Variants in TSPOAP1 observed in about 807,000 individuals in gnomAD.
TSPOAP1 encodes the protein peripheral-type benzodiazepine receptor-associated protein 1.
TSPOAP1 carries 87 observed loss-of-function variants against 197.0 expected under a neutral mutation model. The observed-to-expected ratio is 0.44, with a 90% CI of 0.37 to 0.53. The LOEUF (loss-of-function observed/expected upper bound fraction) is 0.53. Ranked by LOEUF, TSPOAP1 falls within the 20% of genes least tolerant of loss-of-function variation. The probability of loss-of-function intolerance (pLI) is 0.00; values close to 1 mark genes in which losing one functional copy is unlikely to be tolerated. For synonymous variants in TSPOAP1, 913 were observed against 998.9 expected, an observed-to-expected ratio of 0.91 and a Z score of 1.62; for missense variants, 2,174 against 2,411.3, an observed-to-expected ratio of 0.90 and a Z score of 2.06.
intron 30 of TSPOAP1, 21 bp downstream of exon 30, chr17:58,305,040 G>A: frequency 1.3e-6 from 2 of 1,595,966 alleles, no homozygotes; most frequent in Non-Finnish European, 1.7e-6. Context: ...TGCCAAGCTG[G>A]GAGCCCAGCT....
intron 31 of TSPOAP1, chr17:58,302,697 C>T (rs1284559263): frequency 3.0e-5 from 6 of 201,986 alleles, no homozygotes; most frequent in East Asian, 1.8e-4. Context: ...GATCGCTCAC[C>T]TGTGACCCTG....
At position 58,328,150 on chromosome 17, in the gene TSPOAP1, T is replaced by C; in HGVS notation, c.-230A>G. On this transcript the variant is annotated 5_prime_UTR_variant, in exon 1 of 32. Coordinates refer to ENST00000343736, the MANE Select transcript of TSPOAP1 (RefSeq NM_004758.4). The surrounding 1 kb of genome is among the most constrained non-coding windows in gnomAD (Gnocchi z 4.3). Reference sequence around the variant, plus strand: ...TGTGAGCTATGTTTGCTGGTAGCTGTGTGTGTGCGCGAGTATGTGGAGGAG... The same window carrying C: ...TGTGAGCTATGTTTGCTGGTAGCTGCGTGTGTGCGCGAGTATGTGGAGGAG... 1 of 574,202 alleles carries C rather than the reference T, an allele frequency of 1.7e-6. No individual in the cohort carries two copies. Among genetic ancestry groups the C allele is most frequent in the Non-Finnish European group, 3.1e-6 (1 of 321,144 alleles). The allele number at this position is 574,202 out of a possible 1,614,324, so 35.6% of individuals were successfully genotyped here.
Position 58,309,224 on chromosome 17 carries a change from C to A in TSPOAP1, c.4048G>T (p.Ala1350Ser). 1 of 1,613,944 alleles carries A rather than the reference C, an allele frequency of 6.2e-7. No homozygotes were observed. Among genetic ancestry groups the A allele is most frequent in the Non-Finnish European group, 8.5e-7 (1 of 1,179,974 alleles). The change falls in exon 22 of 32, where the codon GCA becomes TCA. Residue 1350 changes from alanine to serine, a missense_variant. Ala to Ser is a moderately conservative substitution (Grantham distance 99). Around this residue, in one of 5 missense-constraint regions of TSPOAP1, gnomAD observed 1,933 missense variants for 2,139.0 expected, o/e 0.90. Transcript: ENST00000343736. This position sits in a 1 kb window ranked among gnomAD's most constrained non-coding sequence, Gnocchi z 5.0. ...EEDEEEEKSG[A>S]GCSSRDPGPP... ...CCAGGGTCTCGGGAAGAACAGCCTG[C>A]CCCTGACTTCTCCTCCTCCTCGTCC...
At position 58,322,205 on chromosome 17, in the gene TSPOAP1, C is replaced by T. The variant is rs548830953; in HGVS notation, c.1422+103G>A. On this transcript the variant is annotated intron_variant, in intron 10 of 31. Coordinates refer to ENST00000343736, the MANE Select transcript of TSPOAP1 (RefSeq NM_004758.4). This position sits in a 1 kb window ranked among gnomAD's most constrained non-coding sequence, Gnocchi z 5.0. ...TGGTCTTTGTTCCCCACAGTCTCCC[C>T]GACGCCTAGCACAGTGCCGGGCACA... 84 of 1,190,262 alleles carry T rather than the reference C, an allele frequency of 7.1e-5. No individual in the cohort carries two copies. The highest frequency in any genetic ancestry group is 2.7e-4 in the Middle Eastern group (1 of 3,684). The allele number at this position is 1,190,262 out of a possible 1,614,324, so 73.7% of individuals were successfully genotyped here. A position where few individuals can be genotyped will look rare whatever the true frequency, so the allele number is the denominator to read the frequency against.
chr17:58,322,784 G>T lies in TSPOAP1; in HGVS notation c.1195-8C>A, dbSNP rs781140625. 1.2e-6 allele frequency: 2 copies of T among 1,612,376 alleles called. No individual in the cohort carries two copies. Among genetic ancestry groups the T allele is most frequent in the Non-Finnish European group, 1.7e-6 (2 of 1,179,846 alleles). On this transcript the variant is annotated splice_polypyrimidine_tract_variant and splice_region_variant and intron_variant, in intron 8 of 31. Transcript: ENST00000343736. The surrounding 1 kb of genome is among the most constrained non-coding windows in gnomAD (Gnocchi z 5.0). ...CGCATTCTCCCACTCCACCTGGCGA[G>T]GGGGCAGTGACAGGGAGTTGGGTGG...
In TSPOAP1 at chr17:58,327,863, C is replaced by CCCATGGCT; in HGVS notation, c.50_57dup (p.Ala20SerfsTer39). 1.2e-6 allele frequency: 2 copies of CCCATGGCT among 1,612,388 alleles called. No homozygotes were observed. Among genetic ancestry groups the CCCATGGCT allele is most frequent in the Non-Finnish European group, 1.7e-6 (2 of 1,178,892 alleles). On this transcript the variant is annotated frameshift_variant, in exon 1 of 32. Coordinates refer to ENST00000343736, the MANE Select transcript of TSPOAP1 (RefSeq NM_004758.4). LOFTEE classifies it high-confidence loss of function. ...GTCCAGCTATGCCAGGTGGGCAGTG[C>CCCATGGCT]CCATGGCTCCATGGCTCCAGGGTCC... is the stretch of plus-strand genomic sequence containing the variant.
intron 11 of TSPOAP1, 86 bp from the exon 12 acceptor site, chr17:58,320,215 C>T: frequency 4.0e-6 from 6 of 1,503,358 alleles, no homozygotes; most frequent in Non-Finnish European, 5.5e-6. Flanking sequence ...AGAAGGGGGC[C>T]TAAGTGGATA....
At chr17:58,302,789 G>A in intron 31 of TSPOAP1, 1 of 159,226 alleles carries the variant, frequency 6.3e-6, no homozygotes, top group Admixed American at 6.1e-5. Context: ...CAGGATGGGT[G>A]CCCCCAACTT....
chr17:58,307,181 C>T (rs1970924904), intron 24 of TSPOAP1, among the ~76,000 whole-genome samples: 1 of 152,236 alleles, frequency 6.6e-6, no homozygotes, highest in African/African-American at 2.4e-5. Flanking sequence ...GTCTACATGG[C>T]CATGCCCTTT....
chr17:58,325,813 G>C lies in TSPOAP1; in HGVS notation c.571-100C>G, dbSNP rs541573288. On this transcript the variant is annotated intron_variant, in intron 3 of 31. Transcript: ENST00000343736. Reference sequence around the variant, plus strand: ...AGGAGGAGTTAGCATGAAAACCTAGGGGGGTAGCCACCTGCTTCCACCTTG... The same window carrying C: ...AGGAGGAGTTAGCATGAAAACCTAGCGGGGTAGCCACCTGCTTCCACCTTG... The C allele has an allele frequency of 1.7e-5, 23 of 1,337,632 alleles. No individual in the cohort carries two copies. The South Asian group carries it at 2.3e-4, about 13-fold the overall frequency. The allele number at this position is 1,337,632 out of a possible 1,614,324, so 82.9% of individuals were successfully genotyped here. A position where few individuals can be genotyped will look rare whatever the true frequency, so the allele number is the denominator to read the frequency against.
chr17:58,305,467 A>C lies in TSPOAP1; in HGVS notation c.5362-9T>G, dbSNP rs762303401. 1.9e-6 allele frequency: 3 copies of C among 1,613,954 alleles called. No homozygotes were observed. Among genetic ancestry groups the C allele is most frequent in the Non-Finnish European group, 2.5e-6 (3 of 1,179,920 alleles). On this transcript the variant is annotated splice_polypyrimidine_tract_variant and intron_variant, in intron 28 of 31. Coordinates refer to ENST00000343736, the MANE Select transcript of TSPOAP1 (RefSeq NM_004758.4). ...CGGAAGGGCAGCTCTGCCTGTGGAA[A>C]ACAAGAGGAGGGCATCAGGCCCAGG... is the stretch of plus-strand genomic sequence containing the variant.
Position 58,302,377 on chromosome 17 carries a change from G to A in TSPOAP1, c.*103C>T, listed in dbSNP as rs114812628. Reference sequence around the variant, plus strand: ...GGGCTCCCCACGTTCAATCCTGGGGGCGCTGCCAGAGCTGGGGGTACAAGG... The same window carrying A: ...GGGCTCCCCACGTTCAATCCTGGGGACGCTGCCAGAGCTGGGGGTACAAGG... On this transcript the variant is annotated 3_prime_UTR_variant, in exon 32 of 32. Coordinates refer to ENST00000343736, the MANE Select transcript of TSPOAP1 (RefSeq NM_004758.4). 5.8e-3 allele frequency: 7,450 copies of A among 1,288,580 alleles called. 363 individuals are homozygous for A. The African/African-American group carries it at 0.1, about 18-fold the overall frequency. 79.8% of individuals were successfully genotyped at this position (1,288,580 alleles called of 1,614,324 possible).
At position 58,327,997 on chromosome 17, in the gene TSPOAP1, C is replaced by T; in HGVS notation, c.-77G>A. 1 of 1,287,832 alleles carries T rather than the reference C, an allele frequency of 7.8e-7. No individual in the cohort carries two copies. Among genetic ancestry groups the T allele is most frequent in the East Asian group, 2.5e-5 (1 of 39,586 alleles). The allele number at this position is 1,287,832 out of a possible 1,614,324, so 79.8% of individuals were successfully genotyped here. A position where few individuals can be genotyped will look rare whatever the true frequency, so the allele number is the denominator to read the frequency against. ...GTGGGGGGACTGGCGAGGGTCATGC[C>T]AGGCCAGCCCCTCTCCCCTCTGAGC... is the stretch of plus-strand genomic sequence containing the variant. On this transcript the variant is annotated 5_prime_UTR_variant, in exon 1 of 32. Coordinates refer to ENST00000343736, the MANE Select transcript of TSPOAP1 (RefSeq NM_004758.4).
chr17:58,319,319 G>A (rs374029973), intron 12 of TSPOAP1, 25 bp from the exon 13 acceptor site: 82 of 1,548,632 alleles, frequency 5.3e-5, no homozygotes, highest in Middle Eastern at 4.0e-4. Context: ...ACCATGAGCC[G>A]CCAGGCCCCT....
intron 11 of TSPOAP1, 104 bp from the exon 12 acceptor site, chr17:58,320,233 G>C: frequency 1.5e-6 from 2 of 1,377,178 alleles, no homozygotes; most frequent in Non-Finnish European, 2.1e-6. Flanking sequence ...ATATCATCCA[G>C]TCAGCTCCCT....
At chr17:58,320,471 G>T in intron 11 of TSPOAP1, 60 bp downstream of exon 11, 1 of 1,456,524 alleles carries the variant, frequency 6.9e-7, no homozygotes, top group Non-Finnish European at 9.1e-7. Flanking sequence ...AGCTCTATCT[G>T]GAGGACCCCC....
intron 3 of TSPOAP1, 44 bp from the exon 4 acceptor site, chr17:58,325,757 GGCACTTCTC>G (rs1336422670): frequency 6.5e-7 from 1 of 1,548,256 alleles, no homozygotes; most frequent in Admixed American, 1.8e-5. Context: ...TGAGGGCTGG[GGCACTTCTC>G]CCACTCCTCA....
Position 58,324,563 on chromosome 17 carries a change from GC to G in TSPOAP1, c.942+247del, listed in dbSNP as rs1971512110. Among the ~76,000 whole-genome samples the G allele has an allele frequency of 6.6e-6, 1 of 152,038 alleles. No individual in the cohort carries two copies. Among genetic ancestry groups the G allele is most frequent in the African/African-American group, 2.4e-5 (1 of 41,442 alleles). ...CAGCGCGGCAGGGGCGGCCGGCCAG[GC>G]CCCGCTGGGCGCAGGCCTATGGAGG... On this transcript the variant is annotated intron_variant, in intron 5 of 31. Coordinates refer to ENST00000343736, the MANE Select transcript of TSPOAP1 (RefSeq NM_004758.4). The surrounding 1 kb of genome is among the most constrained non-coding windows in gnomAD (Gnocchi z 5.8).
chr17:58,312,700 C>T lies in TSPOAP1; in HGVS notation c.2121G>A (p.Arg707=). 1.9e-6 allele frequency: 3 copies of T among 1,613,358 alleles called. No homozygotes were observed. The highest frequency in any genetic ancestry group is 4.5e-5 in the East Asian group (2 of 44,886). The change falls in exon 17 of 32, where the codon AGG becomes AGA. Residue 707 remains arginine (R), a synonymous_variant. Transcript: ENST00000343736. ...FFEGELMDGR[R]GLVPSNFVER... Reference sequence around the variant, plus strand: ...CTACAAAATTGGAAGGGACCAGGCCCCTTCGGCCATCCATGAGCTCTCCTG... The same window carrying T: ...CTACAAAATTGGAAGGGACCAGGCCTCTTCGGCCATCCATGAGCTCTCCTG...
Sources: allele counts gnomAD v4.1 joint callset (sites outside exome capture counted in the v4.1 genomes callset), GRCh38; gene constraint gnomAD v4.1.1; regional missense constraint gnomAD v4.1.1; non-coding constraint Gnocchi (gnomAD v3.1); transcripts MANE v1.5; gene names NCBI Gene and HGNC (gene_info 2026-07-23, HGNC 2026-07-21).